MIS18A: variants seen among roughly 807,000 people sequenced by gnomAD.
MIS18A encodes MIS18 kinetochore protein A.
In MIS18A, 14 loss-of-function variants were observed where a neutral mutation model predicts 25.0. The ratio of observed to expected loss-of-function variants is 0.56; its 90% CI spans 0.37 to 0.88. The LOEUF (loss-of-function observed/expected upper bound fraction) is 0.88, where lower values mean the gene tolerates loss of function less well. MIS18A is among the 40% of genes least tolerant of loss of function. The pLI is 0.00. For missense variants in MIS18A, 292 were observed against 290.8 expected (o/e 1.00, Z -0.03); for synonymous variants, 134 against 118.6 (o/e 1.13, Z -0.84).
At chr21:32,259,470 C>T in the MIS18A span, among the ~76,000 whole-genome samples, 1 of 152,178 alleles carries the variant, frequency 6.6e-6, no homozygotes, top group Non-Finnish European at 1.5e-5. Context: ...GAGGAGACAG[C>T]CCACTCCCTG....
chr21:32,238,868 T>C, the MIS18A span, among the ~76,000 whole-genome samples: 1 of 152,222 alleles, frequency 6.6e-6, no homozygotes, highest in African/African-American at 2.4e-5. Context: ...CAGAAATTCC[T>C]GTTCCAATGT....
Position 32,269,687 on chromosome 21 carries a change from A to T in MIS18A, c.621+20T>A, listed in dbSNP as rs745777340. On this transcript the variant is annotated intron_variant, in intron 4 of 4. Transcript: ENST00000290130. ...ACAAACTGTTCATACAAAGATATAAAATGTACAGAATAAAATTACCTGTGT... is the reference window on the plus strand; with the variant it reads ...ACAAACTGTTCATACAAAGATATAATATGTACAGAATAAAATTACCTGTGT... 1 of 1,412,468 alleles carries T rather than the reference A, an allele frequency of 7.1e-7. No individual in the cohort carries two copies. Among genetic ancestry groups the T allele is most frequent in the South Asian group, 1.2e-5 (1 of 86,494 alleles). The allele number at this position is 1,412,468 out of a possible 1,614,324, so 87.5% of individuals were successfully genotyped here.
chr21:32,276,721 G>A (rs1298983591), intron 1 of MIS18A, among the ~76,000 whole-genome samples: 1 of 152,106 alleles, frequency 6.6e-6, no homozygotes, highest in Non-Finnish European at 1.5e-5. Flanking sequence ...CTTGGGGCCA[G>A]GAGTTTGAGA....
chr21:32,181,509 A>C, the MIS18A span, among the ~76,000 whole-genome samples: 1 of 152,042 alleles, frequency 6.6e-6, no homozygotes, highest in Admixed American at 6.6e-5. Flanking sequence ...TGAGAAGGAG[A>C]AATGAGGCTT....
the MIS18A span, chr21:32,197,927 T>G: frequency 6.6e-6 from 1 of 152,234 alleles, no homozygotes; most frequent in African/African-American, 2.4e-5. Context: ...CTATTACTCA[T>G]GCAGTGCAAC....
the MIS18A span, among the ~76,000 whole-genome samples, chr21:32,170,348 T>C: frequency 1.3e-5 from 2 of 152,158 alleles, no homozygotes; most frequent in African/African-American, 4.8e-5. Flanking sequence ...CCTTCTTTAT[T>C]TGACCAGACT....
chr21:32,241,617 T>TA, the MIS18A span, among the ~76,000 whole-genome samples: 1 of 152,188 alleles, frequency 6.6e-6, no homozygotes, highest in Non-Finnish European at 1.5e-5. Context: ...GAAGCAGAGA[T>TA]GTAAGAAATT....
chr21:32,258,104 T>C, the MIS18A span, among the ~76,000 whole-genome samples: 1 of 152,092 alleles, frequency 6.6e-6, no homozygotes, highest in Non-Finnish European at 1.5e-5. Flanking sequence ...GACTGCCACC[T>C]CTCAGCCGGC....
the MIS18A span, among the ~76,000 whole-genome samples, chr21:32,182,518 C>T: frequency 6.6e-6 from 1 of 152,140 alleles, no homozygotes; most frequent in Non-Finnish European, 1.5e-5. Context: ...AGACAATATC[C>T]ATTTCATCAT....
At chr21:32,273,427 A>G (rs2031750446) in intron 2 of MIS18A, among the ~76,000 whole-genome samples, 1 of 152,096 alleles carries the variant, frequency 6.6e-6, no homozygotes, top group Non-Finnish European at 1.5e-5. Context: ...GAAGCTACAT[A>G]GAAGCCCCCC....
At chr21:32,235,900 G>A in the MIS18A span, among the ~76,000 whole-genome samples, 1 of 152,150 alleles carries the variant, frequency 6.6e-6, no homozygotes, top group Non-Finnish European at 1.5e-5. Context: ...TCTGATCTCG[G>A]AAGGCATTTC....
chr21:32,219,567 A>G, the MIS18A span, among the ~76,000 whole-genome samples: 1 of 152,200 alleles, frequency 6.6e-6, no homozygotes, highest in Non-Finnish European at 1.5e-5. Context: ...GCAGACACAG[A>G]GATAGCTGCA....
At chr21:32,166,324 A>G in the MIS18A span, among the ~76,000 whole-genome samples, 2 of 152,232 alleles carry the variant, frequency 1.3e-5, no homozygotes, top group Non-Finnish European at 2.9e-5. Context: ...CAAATGTATC[A>G]CATAATCCAG....
chr21:32,215,930 T>A, the MIS18A span, among the ~76,000 whole-genome samples: 7 of 152,148 alleles, frequency 4.6e-5, no homozygotes, highest in African/African-American at 1.4e-4. Flanking sequence ...ATTTAGATCA[T>A]AACAAAAAGG....
the MIS18A span, among the ~76,000 whole-genome samples, chr21:32,261,951 C>T: frequency 6.6e-6 from 1 of 152,198 alleles, no homozygotes; most frequent in Admixed American, 6.5e-5. Context: ...TTTCTAAACC[C>T]TTCTAGACGC....
the MIS18A span, among the ~76,000 whole-genome samples, chr21:32,177,361 G>A: frequency 6.6e-6 from 1 of 152,104 alleles, no homozygotes; most frequent in African/African-American, 2.4e-5. Context: ...TACTGATGAT[G>A]CATTACTGAA....
the MIS18A span, among the ~76,000 whole-genome samples, chr21:32,172,762 C>T: frequency 6.6e-6 from 1 of 151,966 alleles, no homozygotes; most frequent in South Asian, 2.1e-4. Context: ...AAGGATAGAC[C>T]AAAATATCAA....
At chr21:32,232,133 ATCTATC>A in the MIS18A span, among the ~76,000 whole-genome samples, 1 of 152,190 alleles carries the variant, frequency 6.6e-6, no homozygotes, top group African/African-American at 2.4e-5. Flanking sequence ...GTATGTATAT[ATCTATC>A]TCTATCTCTA....
the MIS18A span, among the ~76,000 whole-genome samples, chr21:32,218,192 C>CAAAAAAAAAAAA: frequency 5.0e-4 from 28 of 56,364 alleles, no homozygotes; most frequent in Non-Finnish European, 6.6e-4. Flanking sequence ...GACTCCATCT[C>CAAAAAAAAAAAA]AAAAAAAAAA....
Sources: allele counts gnomAD v4.1 joint callset (sites outside exome capture counted in the v4.1 genomes callset), GRCh38; gene constraint gnomAD v4.1.1; transcripts MANE v1.5; gene names NCBI Gene and HGNC (gene_info 2026-07-23, HGNC 2026-07-21).